OR51B5: variants seen among roughly 807,000 people sequenced by gnomAD.
The protein encoded by OR51B5 is olfactory receptor 51B5.
For missense variants in OR51B5, 456 were observed against 374.6 expected (o/e 1.22, Z -1.79); for synonymous variants, 186 against 144.8 (o/e 1.28, Z -2.04).
At chr11:5,489,407 A>G (rs781016615) in intron 1 of OR51B5, 4 of 1,613,552 alleles carry the variant, frequency 2.5e-6, no homozygotes, top group Non-Finnish European at 3.4e-6. Context: ...CTTCCATCTC[A>G]TGATGCCCAG....
At chr11:5,471,794 A>G (rs890226804) in intron 1 of OR51B5, among the ~76,000 whole-genome samples, 3 of 152,130 alleles carry the variant, frequency 2.0e-5, no homozygotes, top group African/African-American at 7.2e-5. Flanking sequence ...TGCTACATAC[A>G]AGCTGTGAAT....
At chr11:5,376,684 C>G (rs868021851) in intron 1 of OR51B5, among the ~76,000 whole-genome samples, 2 of 152,176 alleles carry the variant, frequency 1.3e-5, no homozygotes, top group Middle Eastern at 6.8e-3. Context: ...ACAAACACCT[C>G]TACGCAAATA....
chr11:5,343,492 T>C (rs1400974873), exon 1 of OR51B5: 1 of 1,275,090 alleles, frequency 7.8e-7, no homozygotes, highest in Non-Finnish European at 1.1e-6. Context: ...AACCAGTCAA[T>C]AGGAAGGGAT....
At chr11:5,485,031 ACAT>A (rs1851479798) in intron 1 of OR51B5, among the ~76,000 whole-genome samples, 1 of 152,222 alleles carries the variant, frequency 6.6e-6, no homozygotes, top group South Asian at 2.1e-4. Flanking sequence ...AATGAAAAGT[ACAT>A]CATCTACATA....
chr11:5,451,869 T>TA (rs1354574947), intron 1 of OR51B5, among the ~76,000 whole-genome samples: 1 of 152,206 alleles, frequency 6.6e-6, no homozygotes, highest in Non-Finnish European at 1.5e-5. Flanking sequence ...AAAAGCCTTC[T>TA]AGCCTTCTGT....
chr11:5,353,339 T>G (rs963876271), intron 1 of OR51B5, among the ~76,000 whole-genome samples: 1 of 152,202 alleles, frequency 6.6e-6, no homozygotes, highest in Non-Finnish European at 1.5e-5. Flanking sequence ...TTCCAGTTAC[T>G]ACTGAACAGA....
At chr11:5,497,785 T>C (rs1851670566) in intron 1 of OR51B5, among the ~76,000 whole-genome samples, 1 of 152,146 alleles carries the variant, frequency 6.6e-6, no homozygotes, top group Non-Finnish European at 1.5e-5. Flanking sequence ...AATACACCTT[T>C]TGCCAGCTAC....
intron 1 of OR51B5, among the ~76,000 whole-genome samples, chr11:5,411,839 G>C (rs1442362028): frequency 6.6e-6 from 1 of 152,140 alleles, no homozygotes; most frequent in Non-Finnish European, 1.5e-5. Context: ...GAAGTTGCTG[G>C]CTTTGTAGAG....
intron 1 of OR51B5, among the ~76,000 whole-genome samples, chr11:5,377,825 T>C (rs1459110532): frequency 6.6e-6 from 1 of 151,978 alleles, no homozygotes; most frequent in Non-Finnish European, 1.5e-5. Context: ...TACAAACAAA[T>C]GGAAGAACAT....
intron 1 of OR51B5, chr11:5,351,776 T>C (rs7483122): frequency 0.26 from 413,759 of 1,613,078 alleles, 54,877 homozygotes; most frequent in African/African-American, 0.31. Flanking sequence ...CACAGGGAGA[T>C]TGGCCATGGA....
chr11:5,414,891 A>G (rs7104654), intron 1 of OR51B5, among the ~76,000 whole-genome samples: 123,594 of 152,090 alleles, frequency 0.81, 51,249 homozygotes, highest in Non-Finnish European at 0.89. Context: ...ACAAGGATAC[A>G]CAGGAACTGA....
chr11:5,419,554 CATG>C (rs1486690101), intron 1 of OR51B5, among the ~76,000 whole-genome samples: 6 of 152,206 alleles, frequency 3.9e-5, no homozygotes, highest in East Asian at 1.9e-4. Flanking sequence ...TTGTATCAGT[CATG>C]ATGAGTGATT....
chr11:5,355,836 G>C (rs1055909230), intron 1 of OR51B5, among the ~76,000 whole-genome samples: 1 of 152,016 alleles, frequency 6.6e-6, no homozygotes, highest in South Asian at 2.1e-4. Flanking sequence ...GTAATGCCCT[G>C]CTCTGATTCC....
chr11:5,473,854 AGTGTGTGTGT>A (rs71053262), intron 1 of OR51B5, among the ~76,000 whole-genome samples: 9 of 150,030 alleles, frequency 6.0e-5, no homozygotes, highest in African/African-American at 9.8e-5. Context: ...TTACAAAATG[AGTGTGTGTGT>A]GTGTGTGTGT....
chr11:5,438,697 C>G (rs554296674), intron 1 of OR51B5, among the ~76,000 whole-genome samples: 1 of 152,252 alleles, frequency 6.6e-6, no homozygotes, highest in African/African-American at 2.4e-5. Flanking sequence ...AATGGTAATA[C>G]TAAACAAAAC....
At chr11:5,360,952 G>T (rs1242721978) in intron 1 of OR51B5, among the ~76,000 whole-genome samples, 1 of 150,388 alleles carries the variant, frequency 6.6e-6, no homozygotes, top group Admixed American at 6.7e-5. Context: ...AGAACACATG[G>T]ACACAGGAAG....
chr11:5,413,151 C>G (rs1850178232), intron 1 of OR51B5, among the ~76,000 whole-genome samples: 12 of 152,232 alleles, frequency 7.9e-5, no homozygotes. Flanking sequence ...TCTGCAGACA[C>G]TGCTGCTGAT....
At chr11:5,441,085 A>G (rs754090873) in intron 1 of OR51B5, 1 of 1,614,024 alleles carries the variant, frequency 6.2e-7, no homozygotes, top group East Asian at 2.2e-5. Flanking sequence ...CCCATAGCCA[A>G]TATACGGTTG....
At chr11:5,341,510 GATTAAAGTATA>G (rs1564911083), downstream of OR51B5, 2 of 152,224 alleles carry the variant, frequency 1.3e-5, no homozygotes, top group East Asian at 3.9e-4. Context: ...TTTTTGCTCT[GATTAAAGTATA>G]ATTAAGACAT....
Sources: allele counts gnomAD v4.1 joint callset (sites outside exome capture counted in the v4.1 genomes callset), GRCh38; gene constraint gnomAD v4.1.1; transcripts MANE v1.5; gene names NCBI Gene and HGNC (gene_info 2026-07-23, HGNC 2026-07-21).